Variants in OSCP1 observed in about 807,000 individuals in gnomAD.
The protein encoded by OSCP1 is protein OSCP1.
In OSCP1, 35 loss-of-function variants were observed where a neutral mutation model predicts 45.1. The ratio of observed to expected loss-of-function variants is 0.78; its 90% CI spans 0.59 to 1.03. The LOEUF (loss-of-function observed/expected upper bound fraction) is 1.03, where lower values mean the gene tolerates loss of function less well. Among genes scored for constraint, OSCP1 ranks in the 50% least tolerant of loss-of-function variants. OSCP1 has a pLI of 0.00. For missense variants in OSCP1, 400 were observed against 470.7 expected (o/e 0.85, Z 1.39); for synonymous variants, 179 against 180.1 (o/e 0.99, Z 0.05).
intron 2 of OSCP1, among the ~76,000 whole-genome samples, chr1:36,435,374 C>T (rs1648656527): frequency 6.6e-6 from 1 of 151,678 alleles, no homozygotes; most frequent in African/African-American, 2.4e-5. Flanking sequence ...GTTGAACTCC[C>T]AGGCTCAAGT....
At chr1:36,429,444 T>A (rs1481179235) in intron 4 of OSCP1, among the ~76,000 whole-genome samples, 1 of 149,952 alleles carries the variant, frequency 6.7e-6, no homozygotes, top group African/African-American at 2.4e-5. Flanking sequence ...TTTTACCATA[T>A]CATACCATCT....
chr1:36,428,189 CAAAA>C (rs71053930), intron 4 of OSCP1: 6,407 of 841,404 alleles, frequency 7.6e-3, no homozygotes, highest in South Asian at 0.015. Context: ...GACTGCATCT[CAAAA>C]AAAAAAAAAA....
rs901942787 is a variant in OSCP1, at chr1:36,423,408, A to G, written c.575T>C (p.Val192Ala). 4 of 1,613,860 alleles carry G rather than the reference A, an allele frequency of 2.5e-6. No homozygotes were observed. The highest frequency in any genetic ancestry group is 1.3e-5 in the African/African-American group (1 of 75,042). The change falls in exon 5 of 10, where the codon GTG becomes GCG. Residue 192 changes from valine to alanine, a missense_variant. Transcript: ENST00000235532. ...AGTTCCCCAAGGAACAGGCCCGGAC[A>G]CCGGCAACACAAAGCGACCGTTATT... ...QNNNGRFVLPVSGPVPWGTEV... is the reference protein window; with the variant it reads ...QNNNGRFVLPASGPVPWGTEV...
chr1:36,428,241 CT>C (rs1648115476), intron 4 of OSCP1: 1 of 1,105,552 alleles, frequency 9.0e-7, no homozygotes, highest in South Asian at 2.0e-5. Context: ...GAATTGAAAT[CT>C]ATTTATCTTC....
intron 1 of OSCP1, among the ~76,000 whole-genome samples, chr1:36,448,312 T>C (rs910330534): frequency 3.3e-5 from 5 of 152,170 alleles, no homozygotes; most frequent in African/African-American, 1.2e-4. Flanking sequence ...TGTCACCTCA[T>C]TGGTGCCACT....
chr1:36,430,895 T>C (rs1445877759), intron 4 of OSCP1, among the ~76,000 whole-genome samples: 2 of 152,230 alleles, frequency 1.3e-5, no homozygotes, highest in African/African-American at 2.4e-5. Flanking sequence ...CCTCAGGTGA[T>C]CTGCCCACCT....
chr1:36,446,682 G>A (rs895431697), intron 1 of OSCP1, among the ~76,000 whole-genome samples: 2 of 150,674 alleles, frequency 1.3e-5, no homozygotes, highest in Admixed American at 6.6e-5. Context: ...AGAGCTAGTC[G>A]TTAAACTGGA....
rs1461767006 is a variant in OSCP1, at chr1:36,431,854, A to C, written c.464T>G (p.Phe155Cys). 2 of 1,613,352 alleles carry C rather than the reference A, an allele frequency of 1.2e-6. No homozygotes were observed. The highest frequency in any genetic ancestry group is 3.3e-5 in the Admixed American group (2 of 59,958). Residue 155 changes from phenylalanine to cysteine, a missense_variant, in exon 4 of 10, where the codon TTC becomes TGC. Phe to Cys is a radical substitution (Grantham distance 205). Coordinates refer to ENST00000235532, the MANE Select transcript of OSCP1 (RefSeq NM_145047.5). ...GAGGAGTGTCTGCCGGATCAGCTGG[A>C]ACTCCCCTGCAGAGAGACCACCATA... is the stretch of plus-strand genomic sequence containing the variant. Reference protein sequence around the residue: ...EIYGGLSAGEFQLIRQTLLIF... With the variant: ...EIYGGLSAGECQLIRQTLLIF...
chr1:36,422,924 A>G lies in OSCP1; in HGVS notation c.621-28T>C. The G allele has an allele frequency of 1.9e-6, 3 of 1,551,524 alleles. No homozygotes were observed. The East Asian group carries it at 7.0e-5, about 36-fold the overall frequency. On this transcript the variant is annotated intron_variant, in intron 5 of 9. Transcript: ENST00000235532. ...ACAATACAAAGTATGACATGATGGA[A>G]TGTTCTCCAAGCTTAGGTAGTCCTG...
At chr1:36,425,339 T>G (rs1013509583) in intron 4 of OSCP1, among the ~76,000 whole-genome samples, 4 of 152,218 alleles carry the variant, frequency 2.6e-5, no homozygotes, top group Non-Finnish European at 4.4e-5. Flanking sequence ...TTACACAACC[T>G]TTCTGTGCAT....
chr1:36,422,792 C>T lies in OSCP1; in HGVS notation c.725G>A (p.Arg242Gln), dbSNP rs753198894. Residue 242 changes from arginine (R) to glutamine (Q), a missense_variant, in exon 6 of 10, where the codon CGA becomes CAA. Physicochemically the swap from Arg to Gln is conservative, Grantham distance 43. Transcript: ENST00000235532. ...CATGTTAGTTCCCAGTTTCAGGACT[C>T]GGTCTCCATAAAGTTCAAAAGAACC... ...KEGSFELYGD[R>Q]VLKLGTNMYS... 3 of 1,594,322 alleles carry T rather than the reference C, an allele frequency of 1.9e-6. No individual in the cohort carries two copies. The highest frequency in any genetic ancestry group is 1.7e-5 in the Admixed American group (1 of 58,598).
At chr1:36,431,183 G>A (rs2124789282) in intron 4 of OSCP1, among the ~76,000 whole-genome samples, 1 of 152,288 alleles carries the variant, frequency 6.6e-6, no homozygotes, top group South Asian at 2.1e-4. Context: ...GGAGATGTGA[G>A]TCTGGAGGGC....
In OSCP1 at chr1:36,449,180, C is replaced by T. The variant is rs533184480; in HGVS notation, c.112+1078G>A. ...GTCAATTGCCTTTTCAACTTTTCCTCCTCCACTTTGAAATATAATATTTCC... is the reference window on the plus strand; with the variant it reads ...GTCAATTGCCTTTTCAACTTTTCCTTCTCCACTTTGAAATATAATATTTCC... On this transcript the variant is annotated intron_variant, in intron 1 of 9. Coordinates refer to ENST00000235532, the MANE Select transcript of OSCP1 (RefSeq NM_145047.5). Among the ~76,000 whole-genome samples the T allele has an allele frequency of 2.6e-5, 4 of 152,280 alleles. No individual in the cohort carries two copies. The South Asian group carries it at 6.2e-4, about 24-fold the overall frequency.
At chr1:36,442,397 G>A (rs1053670788) in intron 1 of OSCP1, among the ~76,000 whole-genome samples, 1 of 152,142 alleles carries the variant, frequency 6.6e-6, no homozygotes, top group Non-Finnish European at 1.5e-5. Context: ...AAATTTCAAT[G>A]ATTCAATTAT....
intron 4 of OSCP1, among the ~76,000 whole-genome samples, chr1:36,426,944 G>A (rs1350116772): frequency 6.7e-6 from 1 of 148,756 alleles, no homozygotes; most frequent in Non-Finnish European, 1.5e-5. Context: ...GACCTCAAGT[G>A]ATCTGCCTGC....
At position 36,432,466 on chromosome 1, in the gene OSCP1, T is replaced by C. The variant is rs34409118; in HGVS notation, c.391A>G (p.Thr131Ala). ...GTCTCGTCCACTTGCTGCAGGATGGTTGGGGAGTCTCGGATGAATCCCTTG... is the reference window on the plus strand; with the variant it reads ...GTCTCGTCCACTTGCTGCAGGATGGCTGGGGAGTCTCGGATGAATCCCTTG... ...TIKGFIRDSP[T>A]ILQQVDETLR... The change falls in exon 3 of 10, where the codon ACC becomes GCC. Residue 131 changes from threonine (T) to alanine (A), a missense_variant. Transcript: ENST00000235532. The C allele has an allele frequency of 0.21, 344,727 of 1,613,770 alleles. 37,911 individuals are homozygous for C. The highest frequency in any genetic ancestry group is 0.28 in the East Asian group (12,742 of 44,848).
At chr1:36,436,000 C>T (rs887440439) in intron 2 of OSCP1, among the ~76,000 whole-genome samples, 1 of 152,032 alleles carries the variant, frequency 6.6e-6, no homozygotes, top group Non-Finnish European at 1.5e-5. Flanking sequence ...AGTCTGTCTC[C>T]CTGAGTCTTC....
chr1:36,422,698 T>G, intron 6 of OSCP1, 70 bp downstream of exon 6: 2 of 1,355,216 alleles, frequency 1.5e-6, no homozygotes, highest in Non-Finnish European at 2.0e-6. Context: ...TCTGGCTGTT[T>G]CTCTTTTTTT....
intron 1 of OSCP1, 97 bp downstream of exon 1, chr1:36,450,161 G>A (rs1255073542): frequency 1.1e-6 from 1 of 951,400 alleles, no homozygotes; most frequent in Non-Finnish European, 1.7e-6. Context: ...AGAGTGAAGT[G>A]TGTAGGGGTG....
Sources: allele counts gnomAD v4.1 joint callset (sites outside exome capture counted in the v4.1 genomes callset), GRCh38; gene constraint gnomAD v4.1.1; transcripts MANE v1.5; gene names NCBI Gene and HGNC (gene_info 2026-07-23, HGNC 2026-07-21).